Variants in PEAR1 observed in about 807,000 individuals in gnomAD.
PEAR1 encodes the protein platelet endothelial aggregation receptor 1.
In PEAR1, 113 loss-of-function variants were observed where a neutral mutation model predicts 131.2. The observed-to-expected ratio is 0.86, with a 90% CI of 0.74 to 1.01. The LOEUF is 1.01. PEAR1 is among the 50% of genes least tolerant of loss of function. The probability of loss-of-function intolerance (pLI) is 0.00; values close to 1 mark genes in which losing one functional copy is unlikely to be tolerated. For synonymous variants in PEAR1, 565 were observed against 523.3 expected, an observed-to-expected ratio of 1.08 and a Z score of -1.09; for missense variants, 1,408 against 1,391.1, an observed-to-expected ratio of 1.01 and a Z score of -0.19.
At chr1:156,896,311 C>A (rs1649156224) in intron 1 of PEAR1, among the ~76,000 whole-genome samples, 1 of 152,164 alleles carries the variant, frequency 6.6e-6, no homozygotes, top group Non-Finnish European at 1.5e-5. Context: ...TAATTAGTAT[C>A]CCAGTACCTG....
At chr1:156,911,500 T>G (rs1441439406) in intron 15 of PEAR1, among the ~76,000 whole-genome samples, 3 of 152,048 alleles carry the variant, frequency 2.0e-5, no homozygotes, top group Non-Finnish European at 4.4e-5. Context: ...GCCAGGCTGG[T>G]CTCGAACTCC....
chr1:156,910,728 C>A lies in PEAR1; in HGVS notation c.1936C>A (p.Pro646Thr). Residue 646 changes from proline (P) to threonine (T), a missense_variant, in exon 15 of 23, where the codon CCC (proline) becomes ACC (threonine). Coordinates refer to ENST00000292357, the MANE Select transcript of PEAR1 (RefSeq NM_001080471.3). ...CTACTGCCTGGCTGGCTGGACAGGC[C>A]CCGACTGCTCCCAGCGTATGTGGTA... The part of the protein sequence containing the change: ...TCYCLAGWTG[P>T]DCSQPCPPGH... 1.2e-6 allele frequency: 2 copies of A among 1,614,112 alleles called. No homozygotes were observed. Among genetic ancestry groups the A allele is most frequent in the South Asian group, 1.1e-5 (1 of 91,086 alleles).
intron 5 of PEAR1, 36 bp from the exon 6 acceptor site, chr1:156,906,601 C>A: frequency 6.2e-7 from 1 of 1,612,632 alleles, no homozygotes; most frequent in Non-Finnish European, 8.5e-7. Flanking sequence ...TGGACTAGAC[C>A]CCTGGTGACC....
chr1:156,907,936 T>C lies in PEAR1; in HGVS notation c.787T>C (p.Cys263Arg), dbSNP rs1226110468. ...ACAGGGCACCATCTGCTCCCTGCCC[T>C]GCCCAGAGGGCTTTCACGGACCCAA... ...GWMGTICSLP[C>R]PEGFHGPNCS... The change falls in exon 8 of 23, where the codon TGC becomes CGC. Residue 263 changes from cysteine to arginine, a missense_variant. Coordinates refer to ENST00000292357, the MANE Select transcript of PEAR1 (RefSeq NM_001080471.3). 1 of 1,591,156 alleles carries C rather than the reference T, an allele frequency of 6.3e-7. No homozygotes were observed. Among genetic ancestry groups the C allele is most frequent in the African/African-American group, 1.3e-5 (1 of 74,518 alleles).
chr1:156,903,790 AAGGGGCC>A, intron 1 of PEAR1, 121 bp from the exon 2 acceptor site: 1 of 714,032 alleles, frequency 1.4e-6, no homozygotes. Flanking sequence ...AGCTCAGAGC[AAGGGGCC>A]AGAGGACACG....
At position 156,913,496 on chromosome 1, in the gene PEAR1, G is replaced by C. The variant is rs779612685; in HGVS notation, c.2617G>C (p.Glu873Gln). 1.2e-6 allele frequency: 2 copies of C among 1,613,022 alleles called. No homozygotes were observed. Among genetic ancestry groups the C allele is most frequent in the Non-Finnish European group, 1.7e-6 (2 of 1,180,004 alleles). Residue 873 changes from glutamate to glutamine, a missense_variant, in exon 20 of 23, where the codon GAG becomes CAG. Coordinates refer to ENST00000292357, the MANE Select transcript of PEAR1 (RefSeq NM_001080471.3). ...TLPADWKHRR[E>Q]PPPGPLDRGS... Reference sequence around the variant, plus strand: ...GCCTGCTGACTGGAAGCACCGCCGGGAGCCCCCTCCAGGGCCTCTGGACAG... The same window carrying C: ...GCCTGCTGACTGGAAGCACCGCCGGCAGCCCCCTCCAGGGCCTCTGGACAG...
In PEAR1 at chr1:156,913,252, G is replaced by T; in HGVS notation, c.2481G>T (p.Gln827His). The T allele has an allele frequency of 6.2e-7, 1 of 1,612,700 alleles. No individual in the cohort carries two copies. The highest frequency in any genetic ancestry group is 8.5e-7 in the Non-Finnish European group (1 of 1,179,294). The change falls in exon 19 of 23, where the codon CAG becomes CAT. Residue 827 changes from glutamine (Q) to histidine (H), a missense_variant. Transcript: ENST00000292357. ...ACCCCAGCTACCACACCCTGTCGCA[G>T]TGCTCCCCAAACCCCCCACCCCCTA... ...YSNPSYHTLS[Q>H]CSPNPPPPNK...
At chr1:156,914,343 T>C (rs1262742130) in intron 22 of PEAR1, among the ~76,000 whole-genome samples, 2 of 152,094 alleles carry the variant, frequency 1.3e-5, no homozygotes, top group East Asian at 3.9e-4. Context: ...AGTGGGGTCG[T>C]ACAGCATCAG....
rs1651801334 is a variant in PEAR1, at chr1:156,915,684, G to A, written c.*886G>A. On this transcript the variant is annotated 3_prime_UTR_variant, in exon 23 of 23. Transcript: ENST00000292357. The stretch of plus-strand genomic sequence containing the variant: ...CCTGCAGAAGGCCTACAGGGTGCCA[G>A]GCACTTCTTTAATGTGTTCTTTCTT... The A allele has an allele frequency of 6.6e-6, 1 of 152,246 alleles. No homozygotes were observed. The highest frequency in any genetic ancestry group is 2.4e-5 in the African/African-American group (1 of 41,448). The allele number at this position is 152,246 out of a possible 1,614,324, so 9.4% of individuals were successfully genotyped here. A position where few individuals can be genotyped will look rare whatever the true frequency, so the allele number is the denominator to read the frequency against.
chr1:156,912,897 G>A lies in PEAR1; in HGVS notation c.2337G>A (p.Arg779=). 6.2e-7 allele frequency: 1 copy of A among 1,614,232 alleles called. No individual in the cohort carries two copies. The highest frequency in any genetic ancestry group is 8.5e-7 in the Non-Finnish European group (1 of 1,180,028). Residue 779 remains arginine, a synonymous_variant, in exon 18 of 23, where the codon CGG becomes CGA. Coordinates refer to ENST00000292357, the MANE Select transcript of PEAR1 (RefSeq NM_001080471.3). ...TGGTGGCACTGTTCATTGGCTATCG[G>A]CACTGGCAAAAAGGCAAGGAGCACC... The part of the protein sequence containing the change: ...VALVALFIGY[R]HWQKGKEHHH...
In PEAR1 at chr1:156,910,118, C is replaced by G. The variant is rs1650880494; in HGVS notation, c.1678+10C>G. On this transcript the variant is annotated intron_variant, in intron 13 of 22. Coordinates refer to ENST00000292357, the MANE Select transcript of PEAR1 (RefSeq NM_001080471.3). ...CAGGCTGGCTGGATGGGTGAGCATT[C>G]TGGGGCCCCAGGCCTACTGTGGATT... The G allele has an allele frequency of 6.2e-7, 1 of 1,614,052 alleles. No homozygotes were observed. The highest frequency in any genetic ancestry group is 2.2e-5 in the East Asian group (1 of 44,868).
At chr1:156,913,115 C>A in intron 18 of PEAR1, 79 bp from the exon 19 acceptor site, 3 of 1,556,726 alleles carry the variant, frequency 1.9e-6, no homozygotes, top group Admixed American at 3.4e-5. Flanking sequence ...GGCCAAAGTA[C>A]TGATCTCCGG....
chr1:156,901,978 G>C (rs879930119), intron 1 of PEAR1, among the ~76,000 whole-genome samples: 42 of 152,048 alleles, frequency 2.8e-4, no homozygotes, highest in Non-Finnish European at 5.6e-4. Context: ...CAGACTCTGG[G>C]GAGTGTCTCT....
At chr1:156,906,533 G>T in intron 5 of PEAR1, 104 bp from the exon 6 acceptor site, 1 of 1,558,586 alleles carries the variant, frequency 6.4e-7, no homozygotes, top group Non-Finnish European at 8.7e-7. Context: ...GGAAGACAGG[G>T]TGGGCCTGTG....
intron 20 of PEAR1, 37 bp from the exon 21 acceptor site, chr1:156,913,655 A>G: frequency 6.2e-7 from 1 of 1,608,478 alleles, no homozygotes; most frequent in Non-Finnish European, 8.5e-7. Flanking sequence ...GGGGGAGGGG[A>G]CAGAGGGCTG....
Position 156,908,196 on chromosome 1 carries a change from A to C in PEAR1, c.971A>C (p.Asp324Ala). 1 of 1,603,062 alleles carries C rather than the reference A, an allele frequency of 6.2e-7. No individual in the cohort carries two copies. The highest frequency in any genetic ancestry group is 8.5e-7 in the Non-Finnish European group (1 of 1,178,972). Reference sequence around the variant, plus strand: ...GCTGAGACGTGCGACTGCGCCCCGGACGCCCGTTGCTTCCCGGCCAACGGC... The same window carrying C: ...GCTGAGACGTGCGACTGCGCCCCGGCCGCCCGTTGCTTCCCGGCCAACGGC... ...DCAETCDCAP[D>A]ARCFPANGAC... Residue 324 changes from aspartate to alanine, a missense_variant, in exon 9 of 23, where the codon GAC (aspartate) becomes GCC (alanine). By Grantham distance (126) the Asp-to-Ala change is moderately radical (BLOSUM62 -2). Coordinates refer to ENST00000292357, the MANE Select transcript of PEAR1 (RefSeq NM_001080471.3). The surrounding 1 kb of genome is among the most constrained non-coding windows in gnomAD (Gnocchi z 4.2).
In PEAR1 at chr1:156,915,337, A is replaced by C. The variant is rs1651765204; in HGVS notation, c.*539A>C. On this transcript the variant is annotated 3_prime_UTR_variant, in exon 23 of 23. Transcript: ENST00000292357. ...GGCTGGTTAGTTACTCCCTACCTGAAAGCCTTCATAGGTGCCTCTTTGCTC... is the reference window on the plus strand; with the variant it reads ...GGCTGGTTAGTTACTCCCTACCTGACAGCCTTCATAGGTGCCTCTTTGCTC... The C allele has an allele frequency of 6.6e-6, 1 of 152,308 alleles. No homozygotes were observed. Among genetic ancestry groups the C allele is most frequent in the Non-Finnish European group, 1.5e-5 (1 of 68,104 alleles). 9.4% of individuals were successfully genotyped at this position (152,308 alleles called of 1,614,324 possible).
intron 22 of PEAR1, 26 bp downstream of exon 22, chr1:156,914,126 G>A (rs771925151): frequency 1.9e-6 from 3 of 1,549,232 alleles, no homozygotes; most frequent in Non-Finnish European, 8.7e-7. Flanking sequence ...CCACTGGCAG[G>A]AGCAGCAGAG....
At chr1:156,913,090 AAGGGAGGTC>A in intron 18 of PEAR1, 95 bp from the exon 19 acceptor site, 2 of 1,554,668 alleles carry the variant, frequency 1.3e-6, no homozygotes, top group Non-Finnish European at 1.8e-6. Context: ...AGGAGGGAGG[AAGGGAGGTC>A]AGGGAGGCCA....
Sources: allele counts gnomAD v4.1 joint callset (sites outside exome capture counted in the v4.1 genomes callset), GRCh38; gene constraint gnomAD v4.1.1; non-coding constraint Gnocchi (gnomAD v3.1); transcripts MANE v1.5; gene names NCBI Gene and HGNC (gene_info 2026-07-23, HGNC 2026-07-21).